LRP1B: variants seen among roughly 807,000 people sequenced by gnomAD.
The protein encoded by LRP1B is LDL receptor related protein 1B, also known as low-density lipoprotein receptor-related protein 1B.
In LRP1B, 217 loss-of-function variants were observed where a neutral mutation model predicts 556.6. The observed-to-expected ratio is 0.39, with a 90% CI of 0.35 to 0.44. The LOEUF (loss-of-function observed/expected upper bound fraction) is 0.44, where lower values mean the gene tolerates loss of function less well. Among genes scored for constraint, LRP1B ranks in the 20% least tolerant of loss-of-function variants. The probability of loss-of-function intolerance (pLI) is 1.00; values close to 1 mark genes in which losing one functional copy is unlikely to be tolerated. For synonymous variants in LRP1B, 2,047 were observed against 1,865.8 expected (o/e 1.10, Z -2.50); for missense variants, 5,053 against 5,620.8 (o/e 0.90, Z 3.23).
intron 1 of LRP1B, among the ~76,000 whole-genome samples, chr2:141,972,012 TATCAAGGTGATACAATTCAGCTGGTAAAA>T (rs1701754942): frequency 1.3e-5 from 2 of 151,636 alleles, no homozygotes; most frequent in African/African-American, 4.8e-5. Flanking sequence ...TAAGCAGGTT[TATCAAGGTGATACAATTCAGCTGGTAAAA>T]ATATTTTCCT....
In LRP1B at chr2:140,923,147, T is replaced by C. The variant is rs144637939; in HGVS notation, c.3137A>G (p.Glu1046Gly). 507 of 1,610,354 alleles carry C rather than the reference T, an allele frequency of 3.1e-4. No homozygotes were observed. In the African/African-American group the frequency reaches 6.4e-3, roughly 20 times the overall value. The part of the protein sequence containing the change: ...DEAQINCTKE[E>G]IHSPAGCNGN... ...GTTACAACCAGCAGGAGAATGAATC[T>C]CTTAATTTGAAATGAGGAAGAGAGA... Residue 1046 changes from glutamate to glycine, a missense_variant and splice_region_variant, in exon 21 of 91, where the codon GAG (glutamate) becomes GGG (glycine). Glu to Gly is a moderately conservative substitution (Grantham distance 98). Around this residue, in one of 5 missense-constraint regions of LRP1B, gnomAD observed 3,619 missense variants for 3,931.9 expected, o/e 0.92. Transcript: ENST00000389484.
chr2:140,650,230 G>A (rs577349061), intron 41 of LRP1B, among the ~76,000 whole-genome samples: 1 of 151,692 alleles, frequency 6.6e-6, no homozygotes, highest in African/African-American at 2.4e-5. Context: ...AAAGGCAGAG[G>A]TTAATCAGAA....
intron 35 of LRP1B, among the ~76,000 whole-genome samples, chr2:140,748,799 CA>C (rs1688458507): frequency 1.1e-4 from 2 of 18,446 alleles, no homozygotes; most frequent in African/African-American, 1.6e-4. Flanking sequence ...ATATTATATA[CA>C]TATTATATAC....
rs373816630 is a variant in LRP1B at position 141,859,972 on chromosome 2, G to C, written c.83-49571C>G. On this transcript the variant is annotated intron_variant, in intron 1 of 90. Coordinates refer to ENST00000389484, the MANE Select transcript of LRP1B (RefSeq NM_018557.3). ...GAATTTATATCCAAATGGCAAGCAG[G>C]CTTGTGTTTCCCATTTATATGTTCA... Among the ~76,000 whole-genome samples, 26 of 152,182 alleles carry C rather than the reference G, an allele frequency of 1.7e-4. No individual in the cohort carries two copies. In the East Asian group the frequency reaches 1.9e-3, roughly 11 times the overall value.
At chr2:140,801,582 ATT>A (rs10545209) in intron 32 of LRP1B, among the ~76,000 whole-genome samples, 8,466 of 147,040 alleles carry the variant, frequency 0.058, 241 homozygotes, top group South Asian at 0.083. Context: ...AATCTTACTA[ATT>A]TTTTTTTTTT....
intron 16 of LRP1B, among the ~76,000 whole-genome samples, chr2:140,990,625 C>A (rs1697065380): frequency 6.6e-6 from 1 of 151,818 alleles, no homozygotes; most frequent in South Asian, 2.1e-4. Context: ...ACAGAAAATA[C>A]TTAGGAGGTG....
intron 3 of LRP1B, among the ~76,000 whole-genome samples, chr2:141,340,224 A>T (rs1391760942): frequency 6.6e-6 from 1 of 152,224 alleles, no homozygotes; most frequent in Non-Finnish European, 1.5e-5. Context: ...AGAACAATCA[A>T]GTCTATTTCT....
intron 2 of LRP1B, among the ~76,000 whole-genome samples, chr2:141,505,834 T>C (rs1212317177): frequency 2.6e-5 from 4 of 152,124 alleles, no homozygotes; most frequent in Admixed American, 2.0e-4. Context: ...GTTCTAACTA[T>C]GTCAAAGTGG....
intron 7 of LRP1B, among the ~76,000 whole-genome samples, chr2:141,111,535 G>A (rs1700750388): frequency 6.6e-6 from 1 of 152,154 alleles, no homozygotes; most frequent in African/African-American, 2.4e-5. Flanking sequence ...AAGGGACCTT[G>A]TACTACGGGG....
intron 56 of LRP1B, among the ~76,000 whole-genome samples, chr2:140,493,706 T>C (rs1053442098): frequency 1.3e-5 from 2 of 152,232 alleles, no homozygotes; most frequent in Non-Finnish European, 2.9e-5. Flanking sequence ...ATAAATTATT[T>C]ATTGTTATAC....
intron 1 of LRP1B, among the ~76,000 whole-genome samples, chr2:142,080,675 C>A (rs895455453): frequency 6.6e-6 from 1 of 152,100 alleles, no homozygotes; most frequent in Non-Finnish European, 1.5e-5. Context: ...TTGGAATGAT[C>A]AGATTCATGA....
intron 83 of LRP1B, among the ~76,000 whole-genome samples, chr2:140,303,096 G>A (rs1683910494): frequency 1.4e-5 from 2 of 140,878 alleles, no homozygotes; most frequent in Admixed American, 7.3e-5. Context: ...TTCTTTGTAT[G>A]ATACAAATAT....
At chr2:141,028,509 C>T (rs1335267474) in intron 11 of LRP1B, among the ~76,000 whole-genome samples, 1 of 151,626 alleles carries the variant, frequency 6.6e-6, no homozygotes, top group African/African-American at 2.4e-5. Context: ...TTAAATAAAT[C>T]AATAAAAATA....
At chr2:141,153,140 T>G (rs1383987334) in intron 7 of LRP1B, among the ~76,000 whole-genome samples, 2 of 146,828 alleles carry the variant, frequency 1.4e-5, no homozygotes, top group Non-Finnish European at 3.0e-5. Flanking sequence ...TTCTTCCATT[T>G]AACTTATACT....
At chr2:141,197,239 A>G (rs1681793219) in intron 6 of LRP1B, among the ~76,000 whole-genome samples, 1 of 152,126 alleles carries the variant, frequency 6.6e-6, no homozygotes, top group South Asian at 2.1e-4. Context: ...AGGCCTAGCT[A>G]TTTTCAAAAC....
chr2:141,071,075 T>G (rs1162039478), intron 7 of LRP1B, among the ~76,000 whole-genome samples: 3 of 151,950 alleles, frequency 2.0e-5, no homozygotes, highest in Admixed American at 6.6e-5. Flanking sequence ...TAGACCAATA[T>G]CCTTGATGAA....
chr2:140,831,034 C>T lies in LRP1B; in HGVS notation c.5209+8957G>A, dbSNP rs138052388. On this transcript the variant is annotated intron_variant, in intron 31 of 90. Coordinates refer to ENST00000389484, the MANE Select transcript of LRP1B (RefSeq NM_018557.3). ...AGATCCCTACAAAGAAAACAATAAACTACTGATGAAAGAAATTGAAGAACA... is the reference window on the plus strand; with the variant it reads ...AGATCCCTACAAAGAAAACAATAAATTACTGATGAAAGAAATTGAAGAACA... 4.6e-3 allele frequency among the ~76,000 whole-genome samples: 707 copies of T among 152,076 alleles called. 3 individuals carry two copies. Among genetic ancestry groups the T allele is most frequent in the Middle Eastern group, 0.014 (4 of 294 alleles).
chr2:142,007,854 C>A (rs1017862829), intron 1 of LRP1B, among the ~76,000 whole-genome samples: 1 of 152,286 alleles, frequency 6.6e-6, no homozygotes, highest in Middle Eastern at 3.4e-3. Flanking sequence ...AGTTATTTAA[C>A]TTTACTAAGC....
chr2:141,219,869 A>G (rs998763943), intron 6 of LRP1B, among the ~76,000 whole-genome samples: 6 of 152,174 alleles, frequency 3.9e-5, no homozygotes, highest in Non-Finnish European at 5.9e-5. Context: ...TTGCCAAAAG[A>G]AAAACAAACA....
Sources: allele counts gnomAD v4.1 joint callset (sites outside exome capture counted in the v4.1 genomes callset), GRCh38; gene constraint gnomAD v4.1.1; regional missense constraint gnomAD v4.1.1; transcripts MANE v1.5; gene names NCBI Gene and HGNC (gene_info 2026-07-23, HGNC 2026-07-21).